Variants in PON1 observed in about 807,000 individuals in gnomAD.
PON1 encodes the protein serum paraoxonase/arylesterase 1.
A neutral mutation model predicts 39.2 loss-of-function variants in PON1; 37 were observed. That is an observed-to-expected ratio of 0.94 (90% CI 0.73 to 1.24). PON1 has a LOEUF of 1.24. PON1 is among the 50% of genes most tolerant of loss of function. The probability of loss-of-function intolerance (pLI) is 0.00; values close to 1 mark genes in which losing one functional copy is unlikely to be tolerated. For missense variants in PON1, 397 were observed against 413.5 expected, an observed-to-expected ratio of 0.96 and a Z score of 0.35; for synonymous variants, 148 against 152.2, an observed-to-expected ratio of 0.97 and a Z score of 0.21.
chr7:95,305,551 A>G (rs567973809), intron 7 of PON1, among the ~76,000 whole-genome samples: 2 of 152,356 alleles, frequency 1.3e-5, no homozygotes, highest in Admixed American at 1.3e-4. Context: ...TAAAATATAT[A>G]GTATGTTAGC....
intron 3 of PON1, among the ~76,000 whole-genome samples, chr7:95,316,154 C>T (rs534933871): frequency 1.3e-5 from 2 of 152,274 alleles, no homozygotes; most frequent in Admixed American, 1.3e-4. Flanking sequence ...TTCCTATCAA[C>T]TCTGTTATGT....
intron 7 of PON1, among the ~76,000 whole-genome samples, chr7:95,304,903 G>C (rs1296541923): frequency 6.6e-6 from 1 of 152,178 alleles, no homozygotes; most frequent in East Asian, 1.9e-4. Flanking sequence ...GGTGAGAGCA[G>C]AGCCTTGACA....
At chr7:95,318,085 C>CTTTTTTTT (rs11343146) in intron 2 of PON1, among the ~76,000 whole-genome samples, 7 of 131,152 alleles carry the variant, frequency 5.3e-5, no homozygotes, top group African/African-American at 8.4e-5. Context: ...TTCTTTTTTT[C>CTTTTTTTT]TTTTTTTTTT....
rs1180974230 is a variant in PON1 at position 95,324,516 on chromosome 7, A to C, written c.-41T>G. The C allele has an allele frequency of 7.6e-6, 12 of 1,585,936 alleles. No individual in the cohort carries two copies. The highest frequency in any genetic ancestry group is 1.3e-5 in the African/African-American group (1 of 74,332). ...AAGGGATCGATGGGCGCAGACACCG[A>C]CGGGCTAGGAGGCTCTGCCTGCCTG... On this transcript the variant is annotated 5_prime_UTR_variant, in exon 1 of 9. Coordinates refer to ENST00000222381, the MANE Select transcript of PON1 (RefSeq NM_000446.7).
rs779112575 is a variant in PON1 at position 95,311,493 on chromosome 7, G to T, written c.455C>A (p.Ser152Ter). The T allele has an allele frequency of 6.2e-7, 1 of 1,611,492 alleles. No homozygotes were observed. The highest frequency in any genetic ancestry group is 8.5e-7 in the Non-Finnish European group (1 of 1,178,502). ...TCTGATGGTTTTTAGATGCAAAAGCGATTTTTCTTCTTCTTGAAATTTAAA... is the reference window on the plus strand; with the variant it reads ...TCTGATGGTTTTTAGATGCAAAAGCTATTTTTCTTCTTCTTGAAATTTAAA... ...ELFKFQEEEK[S>*]LLHLKTIRHK... The change falls in exon 5 of 9, where the codon TCG becomes TAG. Residue 152 changes from serine to a stop codon, truncating the protein, a stop_gained. Coordinates refer to ENST00000222381, the MANE Select transcript of PON1 (RefSeq NM_000446.7). LOFTEE classifies it high-confidence loss of function.
chr7:95,318,271 CA>C (rs764800395), intron 2 of PON1, 51 bp downstream of exon 2: 16 of 1,482,200 alleles, frequency 1.1e-5, no homozygotes, highest in Middle Eastern at 1.7e-4. Flanking sequence ...ACACAAAGAG[CA>C]AAAAAATACC....
At chr7:95,323,828 C>T (rs2116332607) in intron 1 of PON1, among the ~76,000 whole-genome samples, 1 of 152,276 alleles carries the variant, frequency 6.6e-6, no homozygotes, top group Middle Eastern at 3.4e-3. Context: ...AGAGCTAAAC[C>T]CCAGGACATC....
intron 1 of PON1, among the ~76,000 whole-genome samples, chr7:95,324,026 G>T (rs1316975541): frequency 1.3e-5 from 2 of 152,170 alleles, no homozygotes; most frequent in Admixed American, 6.5e-5. Context: ...AAGCGACAGG[G>T]GCTCCTTTCT....
At chr7:95,304,606 A>C (rs370256754) in intron 7 of PON1, among the ~76,000 whole-genome samples, 1 of 152,086 alleles carries the variant, frequency 6.6e-6, no homozygotes, top group African/African-American at 2.4e-5. Context: ...TGCTGGGATT[A>C]CAGGTGTGAG....
At chr7:95,309,176 T>G (rs1421100420) in intron 5 of PON1, among the ~76,000 whole-genome samples, 1 of 152,186 alleles carries the variant, frequency 6.6e-6, no homozygotes, top group Non-Finnish European at 1.5e-5. Flanking sequence ...ATACAGCTCA[T>G]TAGTAGAAAA....
At chr7:95,310,950 G>T (rs1225015661) in intron 5 of PON1, among the ~76,000 whole-genome samples, 1 of 152,140 alleles carries the variant, frequency 6.6e-6, no homozygotes, top group Non-Finnish European at 1.5e-5. Context: ...GGGGAATTGA[G>T]TGTTACCACA....
At chr7:95,306,822 A>C (rs1206556768) in intron 6 of PON1, among the ~76,000 whole-genome samples, 1 of 151,962 alleles carries the variant, frequency 6.6e-6, no homozygotes, top group Non-Finnish European at 1.5e-5. Context: ...GGATCAAGAG[A>C]AGTCTTCCTC....
At chr7:95,305,511 G>C (rs3917597) in intron 7 of PON1, among the ~76,000 whole-genome samples, 2,144 of 152,272 alleles carry the variant, frequency 0.014, 27 homozygotes, top group Non-Finnish European at 0.022. Context: ...TTACACCCTA[G>C]TTGGGGAATC....
rs150393720 is a variant in PON1, at chr7:95,307,018, CACTT to C, written c.699-656_699-653del. On this transcript the variant is annotated intron_variant, in intron 6 of 8. Coordinates refer to ENST00000222381, the MANE Select transcript of PON1 (RefSeq NM_000446.7). ...AAGCTGTCCCTGTCCCTGTTGCTCT[CACTT>C]GCTTGCTTGCTTGCTTTTTCTTTTC... Among the ~76,000 whole-genome samples the C allele has an allele frequency of 6.3e-3, 961 of 151,904 alleles. 3 individuals are homozygous for C. Among genetic ancestry groups the C allele is most frequent in the African/African-American group, 9.6e-3 (398 of 41,472 alleles).
At position 95,314,156 on chromosome 7, in the gene PON1, C is replaced by T. The variant is rs138835828; in HGVS notation, c.370+1166G>A. On this transcript the variant is annotated intron_variant, in intron 4 of 8. Transcript: ENST00000222381. ...GGAGGATTGCCTGAGCTCAGGAGTT[C>T]GAGACCAGCCTGGGCAACATGGTGA... 8.4e-4 allele frequency among the ~76,000 whole-genome samples: 128 copies of T among 152,016 alleles called. 2 individuals are homozygous for T. In the East Asian group the frequency reaches 0.024, roughly 28 times the overall value.
At position 95,308,239 on chromosome 7, in the gene PON1, T is replaced by C. The variant is rs1807583509; in HGVS notation, c.498-28A>G. 4 of 1,589,616 alleles carry C rather than the reference T, an allele frequency of 2.5e-6. No homozygotes were observed. In the South Asian group the frequency reaches 4.4e-5, roughly 18 times the overall value. ...GCAATTAAAACATACACACATAATA[T>C]ATAAGGTGAAGGTATTGAACATTAC... On this transcript the variant is annotated intron_variant, in intron 5 of 8. Coordinates refer to ENST00000222381, the MANE Select transcript of PON1 (RefSeq NM_000446.7).
At chr7:95,320,004 C>T (rs1016414096) in intron 1 of PON1, among the ~76,000 whole-genome samples, 1 of 152,102 alleles carries the variant, frequency 6.6e-6, no homozygotes, top group Non-Finnish European at 1.5e-5. Flanking sequence ...AAACTCTGGT[C>T]TAGGGAAAGT....
rs200332262 is a variant in PON1 at position 95,316,730 on chromosome 7, T to A, written c.201+4A>T. Reference sequence around the variant, plus strand: ...AACACAGAAAAGTGAAAGAAAACACTCACAGAGCTAATGAAAGCCAGTCCA... The same window carrying A: ...AACACAGAAAAGTGAAAGAAAACACACACAGAGCTAATGAAAGCCAGTCCA... On this transcript the variant is annotated splice_donor_region_variant and intron_variant, in intron 3 of 8. Transcript: ENST00000222381. The A allele has an allele frequency of 3.1e-6, 5 of 1,612,150 alleles. No homozygotes were observed. Among genetic ancestry groups the A allele is most frequent in the Middle Eastern group, 1.7e-4 (1 of 6,054 alleles).
intron 6 of PON1, among the ~76,000 whole-genome samples, chr7:95,306,576 A>G (rs1360713879): frequency 6.6e-6 from 1 of 152,212 alleles, no homozygotes; most frequent in Non-Finnish European, 1.5e-5. Flanking sequence ...GAAGGAGGGG[A>G]CATAGTTGTC....
Sources: allele counts gnomAD v4.1 joint callset (sites outside exome capture counted in the v4.1 genomes callset), GRCh38; gene constraint gnomAD v4.1.1; transcripts MANE v1.5; gene names NCBI Gene and HGNC (gene_info 2026-07-23, HGNC 2026-07-21).